The following SPACA7 variants were observed in gnomAD, a reference collection of about 807,000 sequenced individuals.
SPACA7 encodes the protein sperm acrosome associated 7, also known as sperm acrosome-associated protein 7.
In SPACA7, 19 loss-of-function variants were observed where a neutral mutation model predicts 26.3. That is an observed-to-expected ratio of 0.72 (90% CI 0.50 to 1.06). SPACA7 has a LOEUF of 1.06. Ranked by LOEUF, SPACA7 falls within the 50% of genes least tolerant of loss-of-function variation. The pLI, the probability that SPACA7 is intolerant of heterozygous loss-of-function variation, is 0.00. For missense variants in SPACA7, 211 were observed against 229.9 expected, an observed-to-expected ratio of 0.92 and a Z score of 0.53; for synonymous variants, 84 against 84.5, an observed-to-expected ratio of 0.99 and a Z score of 0.04.
rs76270003 is a variant in SPACA7, at chr13:112,386,371, C to A, written c.95-6650C>A. On this transcript the variant is annotated intron_variant, in intron 1 of 6. Coordinates refer to ENST00000283550, the MANE Select transcript of SPACA7 (RefSeq NM_145248.5). ...TATACTGCGAAGTAGTTTCTGATAC[C>A]CCCAAAACTCAAAACTGTCAGATGA... is the stretch of plus-strand genomic sequence containing the variant. 3.3e-3 allele frequency among the ~76,000 whole-genome samples: 502 copies of A among 152,222 alleles called. 1 individual carries two copies. Among genetic ancestry groups the A allele is most frequent in the African/African-American group, 0.012 (479 of 41,526 alleles).
chr13:112,383,204 AAG>A (rs1884317013), intron 1 of SPACA7, among the ~76,000 whole-genome samples: 1 of 144,194 alleles, frequency 6.9e-6, no homozygotes, highest in Admixed American at 6.9e-5. Context: ...AAAAGAAAGA[AAG>A]AAAGGAAAGA....
At chr13:112,376,871 C>T (rs893041783) in intron 1 of SPACA7, among the ~76,000 whole-genome samples, 1 of 152,152 alleles carries the variant, frequency 6.6e-6, no homozygotes, top group African/African-American at 2.4e-5. Context: ...AGATGCCTTA[C>T]CACCTCATGT....
At chr13:112,395,035 C>T (rs1380167874) in intron 2 of SPACA7, among the ~76,000 whole-genome samples, 1 of 152,228 alleles carries the variant, frequency 6.6e-6, no homozygotes, top group East Asian at 1.9e-4. Context: ...GGCCGAGACT[C>T]TCTGTCCAGA....
At chr13:112,422,279 C>G (rs1460879412) in intron 5 of SPACA7, among the ~76,000 whole-genome samples, 1 of 152,136 alleles carries the variant, frequency 6.6e-6, no homozygotes, top group Non-Finnish European at 1.5e-5. Flanking sequence ...CACCACAGAG[C>G]TTCAAAACAA....
chr13:112,400,900 G>C (rs1885595532), intron 4 of SPACA7, among the ~76,000 whole-genome samples, 169 bp from the exon 5 acceptor site: 1 of 152,164 alleles, frequency 6.6e-6, no homozygotes, highest in African/African-American at 2.4e-5. Context: ...AGTCAGATGA[G>C]GCCTGGCTCT....
At chr13:112,432,565 C>G (rs781156658) in intron 6 of SPACA7, 44 bp downstream of exon 6, 1 of 1,430,886 alleles carries the variant, frequency 7.0e-7, no homozygotes, top group East Asian at 2.3e-5. Flanking sequence ...TTTGGGGATT[C>G]TTTTCCTGCT....
intron 1 of SPACA7, chr13:112,382,310 G>A (rs1232631961): frequency 6.7e-6 from 6 of 898,386 alleles, no homozygotes; most frequent in Non-Finnish European, 8.2e-6. Flanking sequence ...GGAGTGCAGA[G>A]GCGCCTCTCG....
intron 1 of SPACA7, chr13:112,382,544 G>A (rs752577904): frequency 1.4e-4 from 215 of 1,546,152 alleles, no homozygotes; most frequent in African/African-American, 1.9e-4. Context: ...CTATCTGGGC[G>A]ACACATGCAG....
intron 5 of SPACA7, among the ~76,000 whole-genome samples, chr13:112,403,847 CAT>C (rs1885802441): frequency 6.6e-6 from 1 of 152,162 alleles, no homozygotes; most frequent in South Asian, 2.1e-4. Context: ...GGGCTGATTC[CAT>C]ATTTTTGCAA....
rs182916000 is a variant in SPACA7, at chr13:112,410,374, T to A, written c.445+9210T>A. ...AGAACTTAAAGTACAATTAAAAAAA[T>A]ATATATATATATTCCTTGTTGTTTA... On this transcript the variant is annotated intron_variant, in intron 5 of 6. Transcript: ENST00000283550. 9.9e-3 allele frequency among the ~76,000 whole-genome samples: 1,493 copies of A among 151,266 alleles called. 9 individuals carry two copies. The highest frequency in any genetic ancestry group is 0.02 in the African/African-American group (805 of 40,994).
At chr13:112,412,600 A>C (rs1015604498) in intron 5 of SPACA7, among the ~76,000 whole-genome samples, 9 of 152,030 alleles carry the variant, frequency 5.9e-5, no homozygotes, top group Admixed American at 2.0e-4. Context: ...CTTACATTTA[A>C]GTCTTTAACC....
At position 112,425,812 on chromosome 13, in the gene SPACA7, C is replaced by T. The variant is rs1297320487; in HGVS notation, c.446-6632C>T. Among the ~76,000 whole-genome samples, 3 of 152,080 alleles carry T rather than the reference C, an allele frequency of 2.0e-5. No homozygotes were observed. The East Asian group carries it at 5.8e-4, about 29-fold the overall frequency. ...CTGAGGTCTGGGAGATGCAAAGCAC[C>T]CTCTGCCTCCCCACCCTCCATGGCA... On this transcript the variant is annotated intron_variant, in intron 5 of 6. Transcript: ENST00000283550.
intron 2 of SPACA7, among the ~76,000 whole-genome samples, chr13:112,394,726 C>G (rs12430106): frequency 0.12 from 17,507 of 152,222 alleles, 1,319 homozygotes; most frequent in East Asian, 0.31. Context: ...ACTCACTTTC[C>G]TAGTGAAGCT....
intron 5 of SPACA7, among the ~76,000 whole-genome samples, chr13:112,416,456 T>C (rs1470192793): frequency 6.6e-6 from 1 of 151,950 alleles, no homozygotes; most frequent in Non-Finnish European, 1.5e-5. Context: ...CTGGCTAATT[T>C]TTGTGTTTTT....
rs115890143 is a variant in SPACA7, at chr13:112,434,207, A to G, written c.524-278A>G. On this transcript the variant is annotated intron_variant, in intron 6 of 6. Transcript: ENST00000283550. ...AGGGGAGGAGGAGGAGGACCAGTCCAGCTCCGCCAGGCTTGGAGTTGTCGA... is the reference window on the plus strand; with the variant it reads ...AGGGGAGGAGGAGGAGGACCAGTCCGGCTCCGCCAGGCTTGGAGTTGTCGA... Among the ~76,000 whole-genome samples, 1,498 of 152,320 alleles carry G rather than the reference A, an allele frequency of 9.8e-3. 29 individuals carry two copies. Among genetic ancestry groups the G allele is most frequent in the South Asian group, 0.033 (160 of 4,826 alleles).
chr13:112,393,881 G>C (rs1282923761), intron 2 of SPACA7, among the ~76,000 whole-genome samples: 2 of 151,866 alleles, frequency 1.3e-5, no homozygotes, highest in African/African-American at 4.8e-5. Context: ...AACCACTTGA[G>C]AGGCTGAGAC....
chr13:112,390,137 GT>G (rs1295491715), intron 1 of SPACA7, among the ~76,000 whole-genome samples: 1 of 124,224 alleles, frequency 8.0e-6, no homozygotes, highest in South Asian at 2.5e-4. Context: ...TGTAATGGGG[GT>G]GGGGGGAGGA....
intron 1 of SPACA7, among the ~76,000 whole-genome samples, chr13:112,391,325 G>A (rs1303171525): frequency 6.6e-6 from 1 of 152,252 alleles, no homozygotes; most frequent in African/African-American, 2.4e-5. Context: ...TAATGACTCA[G>A]TGGGCACTTC....
rs1877423947 is a variant in SPACA7, at chr13:112,433,665, G to A, written c.524-820G>A. Among the ~76,000 whole-genome samples the A allele has an allele frequency of 2.0e-5, 3 of 150,464 alleles. No homozygotes were observed. In the South Asian group the frequency reaches 6.3e-4, roughly 32 times the overall value. ...CTGCATGAGTTGTCATCGAGCACAG[G>A]CCAAGAGCTTCTCTGAAGTGGGGCC... On this transcript the variant is annotated intron_variant, in intron 6 of 6. Coordinates refer to ENST00000283550, the MANE Select transcript of SPACA7 (RefSeq NM_145248.5).
Sources: allele counts gnomAD v4.1 joint callset (sites outside exome capture counted in the v4.1 genomes callset), GRCh38; gene constraint gnomAD v4.1.1; transcripts MANE v1.5; gene names NCBI Gene and HGNC (gene_info 2026-07-23, HGNC 2026-07-21).